The following KCND2 variants were observed in gnomAD, a reference collection of about 807,000 sequenced individuals.
The protein encoded by KCND2 is potassium voltage-gated channel subfamily D member 2.
A neutral mutation model predicts 54.4 loss-of-function variants in KCND2; 16 were observed. The observed-to-expected ratio is 0.29, with a 90% confidence interval of 0.20 to 0.45. The LOEUF is 0.45. Ranked by LOEUF, KCND2 falls within the 20% of genes least tolerant of loss-of-function variation. KCND2 has a pLI of 1.00. For synonymous variants in KCND2, 317 were observed against 310.7 expected (o/e 1.02, Z -0.21); for missense variants, 486 against 824.2 (o/e 0.59, Z 5.02).
intron 1 of KCND2, among the ~76,000 whole-genome samples, chr7:120,372,397 T>C (rs1800777272): frequency 6.6e-6 from 1 of 151,888 alleles, no homozygotes; most frequent in Admixed American, 6.6e-5. Flanking sequence ...GGTTTCAAAA[T>C]TTAATATTAC....
At chr7:120,631,097 A>G (rs958005892) in intron 1 of KCND2, among the ~76,000 whole-genome samples, 7 of 152,158 alleles carry the variant, frequency 4.6e-5, no homozygotes, top group Non-Finnish European at 1.0e-4. Flanking sequence ...AAATTTTATC[A>G]AGGTAATCTT....
At chr7:120,384,827 G>A (rs1477032474) in intron 1 of KCND2, among the ~76,000 whole-genome samples, 2 of 152,018 alleles carry the variant, frequency 1.3e-5, no homozygotes, top group African/African-American at 2.4e-5. Context: ...TGAGAAGGCT[G>A]GAAACAGCCA....
chr7:120,379,940 A>T (rs1004305464), intron 1 of KCND2, among the ~76,000 whole-genome samples: 1 of 152,046 alleles, frequency 6.6e-6, no homozygotes, highest in African/African-American at 2.4e-5. Flanking sequence ...ACTAATTATG[A>T]TACTCCTATG....
chr7:120,610,433 T>G (rs1320139006), intron 1 of KCND2, among the ~76,000 whole-genome samples: 1 of 152,096 alleles, frequency 6.6e-6, no homozygotes, highest in Non-Finnish European at 1.5e-5. Flanking sequence ...CATACCAAAA[T>G]GAAGGGAAAA....
At chr7:120,668,591 A>G (rs1791955655) in intron 1 of KCND2, among the ~76,000 whole-genome samples, 1 of 152,234 alleles carries the variant, frequency 6.6e-6, no homozygotes, top group Middle Eastern at 3.4e-3. Context: ...CATCAGTTTC[A>G]GGATATTAGT....
intron 1 of KCND2, among the ~76,000 whole-genome samples, chr7:120,297,180 C>G (rs1799524331): frequency 6.6e-6 from 1 of 152,060 alleles, no homozygotes; most frequent in South Asian, 2.1e-4. Context: ...CCCCCCAGCT[C>G]TTCCAAATGT....
intron 1 of KCND2, among the ~76,000 whole-genome samples, chr7:120,667,161 C>G (rs1791936989): frequency 6.6e-6 from 1 of 152,002 alleles, no homozygotes; most frequent in Admixed American, 6.6e-5. Flanking sequence ...TGGAATAAGA[C>G]TCCTACTATA....
chr7:120,465,861 T>G (rs1468738583), intron 1 of KCND2, among the ~76,000 whole-genome samples: 1 of 151,704 alleles, frequency 6.6e-6, no homozygotes, highest in African/African-American at 2.4e-5. Flanking sequence ...AGTAAAAGAG[T>G]AATGGGAAGT....
At chr7:120,427,792 G>T (rs1801732099) in intron 1 of KCND2, among the ~76,000 whole-genome samples, 1 of 152,072 alleles carries the variant, frequency 6.6e-6, no homozygotes, top group Non-Finnish European at 1.5e-5. Flanking sequence ...TTGCTGCTGT[G>T]ACTCTTATCT....
chr7:120,433,260 C>T (rs772082408), intron 1 of KCND2, among the ~76,000 whole-genome samples: 9 of 152,170 alleles, frequency 5.9e-5, no homozygotes, highest in Non-Finnish European at 1.2e-4. Flanking sequence ...GTGCCACGTC[C>T]CCTAGCTGTA....
intron 1 of KCND2, among the ~76,000 whole-genome samples, chr7:120,345,629 A>G (rs1285283408): frequency 2.0e-5 from 3 of 152,186 alleles, no homozygotes; most frequent in Admixed American, 2.0e-4. Flanking sequence ...CAAGTGGACT[A>G]GCTTATTTCA....
chr7:120,471,284 A>T (rs1424017774), intron 1 of KCND2, among the ~76,000 whole-genome samples: 2 of 152,004 alleles, frequency 1.3e-5, no homozygotes, highest in Non-Finnish European at 2.9e-5. Flanking sequence ...GACAGCATTA[A>T]TTTTTTCATA....
At chr7:120,415,912 CA>C (rs1306138846) in intron 1 of KCND2, among the ~76,000 whole-genome samples, 4 of 152,196 alleles carry the variant, frequency 2.6e-5, no homozygotes, top group Non-Finnish European at 5.9e-5. Context: ...CATCCGTTTA[CA>C]AAATCAGAAA....
At chr7:120,462,225 G>A (rs1482751099) in intron 1 of KCND2, among the ~76,000 whole-genome samples, 1 of 150,184 alleles carries the variant, frequency 6.7e-6, no homozygotes, top group African/African-American at 2.4e-5. Context: ...TTTTTTTTTG[G>A]TATGCAATGG....
At chr7:120,299,592 A>G (rs61008628) in intron 1 of KCND2, among the ~76,000 whole-genome samples, 2,166 of 152,318 alleles carry the variant, frequency 0.014, 55 homozygotes, top group African/African-American at 0.048. Flanking sequence ...TTGATATTCT[A>G]GAGCTGCTTT....
intron 1 of KCND2, among the ~76,000 whole-genome samples, chr7:120,507,773 C>G (rs992167933): frequency 2.0e-5 from 3 of 151,850 alleles, no homozygotes; most frequent in East Asian, 3.9e-4. Context: ...ACATAAAACA[C>G]TGTTATTTTA....
chr7:120,604,658 G>A (rs1034033630), intron 1 of KCND2, among the ~76,000 whole-genome samples: 2 of 151,738 alleles, frequency 1.3e-5, no homozygotes, highest in Non-Finnish European at 1.5e-5. Flanking sequence ...GCATTCCTGT[G>A]TCTTGAATAT....
intron 1 of KCND2, among the ~76,000 whole-genome samples, chr7:120,460,907 A>T (rs1802274976): frequency 6.6e-6 from 1 of 152,212 alleles, no homozygotes; most frequent in Non-Finnish European, 1.5e-5. Flanking sequence ...CCATTAGAAT[A>T]AATTAATACC....
In KCND2 at chr7:120,410,146, A is replaced by G. The variant is rs183134247; in HGVS notation, c.1115+134399A>G. 5.5e-4 allele frequency among the ~76,000 whole-genome samples: 83 copies of G among 152,058 alleles called. 2 individuals are homozygous for G. The East Asian group carries it at 9.8e-3, about 18-fold the overall frequency. ...TGTAGTGACAGTTGTTGAAAAGATCATCTTTTTTTATTAAGCATACATTTG... is the reference window on the plus strand; with the variant it reads ...TGTAGTGACAGTTGTTGAAAAGATCGTCTTTTTTTATTAAGCATACATTTG... On this transcript the variant is annotated intron_variant, in intron 1 of 5. Coordinates refer to ENST00000331113, the MANE Select transcript of KCND2 (RefSeq NM_012281.3).
Sources: allele counts gnomAD v4.1 joint callset (sites outside exome capture counted in the v4.1 genomes callset), GRCh38; gene constraint gnomAD v4.1.1; transcripts MANE v1.5; gene names NCBI Gene and HGNC (gene_info 2026-07-23, HGNC 2026-07-21).